Variants in TMEM131L observed in about 807,000 individuals in gnomAD.
TMEM131L encodes transmembrane protein 131-like.
In TMEM131L, 54 loss-of-function variants were observed where a neutral mutation model predicts 192.2. That is an observed-to-expected ratio of 0.28 (90% CI 0.23 to 0.35). The LOEUF is 0.35. Ranked by LOEUF, TMEM131L falls within the 10% of genes least tolerant of loss-of-function variation. The pLI is 1.00. For synonymous variants in TMEM131L, 701 were observed against 704.9 expected, an observed-to-expected ratio of 0.99 and a Z score of 0.09; for missense variants, 1,888 against 1,972.9, an observed-to-expected ratio of 0.96 and a Z score of 0.82.
At chr4:153,488,287 A>T (rs764770978) in intron 3 of TMEM131L, among the ~76,000 whole-genome samples, 1 of 152,214 alleles carries the variant, frequency 6.6e-6, no homozygotes, top group East Asian at 1.9e-4. Flanking sequence ...GGCAAAACTG[A>T]AAGAAGTGTT....
chr4:153,509,181 C>T (rs1389659883), intron 3 of TMEM131L, among the ~76,000 whole-genome samples: 2 of 146,560 alleles, frequency 1.4e-5, no homozygotes, highest in Non-Finnish European at 1.5e-5. Flanking sequence ...CCTGTCTCTA[C>T]TAAAAACAAC....
rs180945302 is a variant in TMEM131L, at chr4:153,587,925, T to C, written c.1552+114T>C. 3.8e-6 allele frequency: 3 copies of C among 791,636 alleles called. No homozygotes were observed. In the East Asian group the frequency reaches 7.4e-5, roughly 19 times the overall value. 49.0% of individuals were successfully genotyped at this position (791,636 alleles called of 1,614,324 possible). On this transcript the variant is annotated intron_variant, in intron 15 of 34. Transcript: ENST00000409959. Reference sequence around the variant, plus strand: ...TTAGTTCTGTAAAGGCATCATATTCTATAGAGAGGATGATCATTAACAGAA... The same window carrying C: ...TTAGTTCTGTAAAGGCATCATATTCCATAGAGAGGATGATCATTAACAGAA...
intron 3 of TMEM131L, among the ~76,000 whole-genome samples, chr4:153,535,868 G>A (rs1282465248): frequency 6.6e-6 from 1 of 152,018 alleles, no homozygotes; most frequent in Non-Finnish European, 1.5e-5. Context: ...TTGTAATCTT[G>A]TTGCACACAG....
Position 153,532,984 on chromosome 4 carries a change from C to CTTTT in TMEM131L, c.240-17074_240-17071dup, listed in dbSNP as rs70963190. 4.7e-3 allele frequency among the ~76,000 whole-genome samples: 613 copies of CTTTT among 129,664 alleles called. 10 individuals are homozygous for CTTTT. The highest frequency in any genetic ancestry group is 0.016 in the African/African-American group (569 of 34,808). 85.1% of individuals were successfully genotyped at this position (129,664 alleles called of 152,430 possible). On this transcript the variant is annotated intron_variant, in intron 3 of 34. Transcript: ENST00000409959. Reference sequence around the variant, plus strand: ...TAGGGATTCTCTCTCTTTCTCAATTCTTTTTTTTTTTTTTTTTTGAGACAG... The same window carrying CTTTT: ...TAGGGATTCTCTCTCTTTCTCAATTCTTTTTTTTTTTTTTTTTTTTTTGAGACAG...
In TMEM131L at chr4:153,636,385, A is replaced by C. The variant is rs775564419; in HGVS notation, c.4642A>C (p.Asn1548His). Residue 1548 changes from asparagine to histidine, a missense_variant, in exon 35 of 35, where the codon AAT (asparagine) becomes CAT (histidine). By Grantham distance (68) the Asn-to-His change is moderately conservative (BLOSUM62 1). Coordinates refer to ENST00000409959, the MANE Select transcript of TMEM131L (RefSeq NM_001131007.2). The stretch of plus-strand genomic sequence containing the variant: ...GGCCCCGCAAAGCGATGTGTATGAA[A>C]ATTGCTGCCCCATCAACCCCACCAC... ...IWAPQSDVYE[N>H]CCPINPTTEH... 1 of 1,614,136 alleles carries C rather than the reference A, an allele frequency of 6.2e-7. No homozygotes were observed. The highest frequency in any genetic ancestry group is 2.2e-5 in the East Asian group (1 of 44,880).
intron 7 of TMEM131L, among the ~76,000 whole-genome samples, chr4:153,565,241 G>A (rs1451193253): frequency 1.3e-5 from 2 of 152,176 alleles, no homozygotes; most frequent in African/African-American, 2.4e-5. Context: ...TTCGTGTTTA[G>A]TGCATTGAGG....
At chr4:153,565,482 G>A (rs1486826231) in intron 7 of TMEM131L, among the ~76,000 whole-genome samples, 1 of 152,210 alleles carries the variant, frequency 6.6e-6, no homozygotes, top group Non-Finnish European at 1.5e-5. Context: ...TGAGAGTAGA[G>A]CCAGTGAATG....
chr4:153,490,366 G>A lies in TMEM131L; in HGVS notation c.239+16478G>A, dbSNP rs1322153493. Among the ~76,000 whole-genome samples the A allele has an allele frequency of 8.5e-5, 13 of 152,312 alleles. No individual in the cohort carries two copies. The East Asian group carries it at 2.5e-3, about 29-fold the overall frequency. The stretch of plus-strand genomic sequence containing the variant: ...TACAGTGACTACTCTAGTCATTAGA[G>A]GGCTGGGGTAATTTGAGGTTGAAAT... On this transcript the variant is annotated intron_variant, in intron 3 of 34. Transcript: ENST00000409959.
intron 3 of TMEM131L, among the ~76,000 whole-genome samples, chr4:153,506,269 A>C (rs1221957855): frequency 1.3e-5 from 2 of 152,166 alleles, no homozygotes; most frequent in Admixed American, 1.3e-4. Flanking sequence ...GATTCCTTGC[A>C]AAAAAAGATC....
chr4:153,496,850 C>A (rs1483437924), intron 3 of TMEM131L, among the ~76,000 whole-genome samples: 2 of 150,786 alleles, frequency 1.3e-5, no homozygotes, highest in African/African-American at 4.9e-5. Flanking sequence ...CTGTACTTGG[C>A]CTATGAAGAC....
intron 12 of TMEM131L, 113 bp from the exon 13 acceptor site, chr4:153,585,345 C>A: frequency 9.3e-7 from 1 of 1,071,512 alleles, no homozygotes; most frequent in Non-Finnish European, 1.4e-6. Flanking sequence ...CTGGCGCTAG[C>A]TTTCATTTAG....
chr4:153,556,132 G>C (rs1372312939), intron 5 of TMEM131L, among the ~76,000 whole-genome samples: 1 of 127,406 alleles, frequency 7.8e-6, no homozygotes, highest in African/African-American at 3.0e-5. Flanking sequence ...GAGGTGGGGG[G>C]TTGGGGGAGA....
intron 2 of TMEM131L, among the ~76,000 whole-genome samples, chr4:153,467,661 T>TAA (rs974340483): frequency 6.6e-6 from 1 of 152,260 alleles, no homozygotes; most frequent in Non-Finnish European, 1.5e-5. Flanking sequence ...TCATAAATGT[T>TAA]AGAGTGGTAT....
chr4:153,547,750 G>A (rs1027372535), intron 3 of TMEM131L, among the ~76,000 whole-genome samples: 6 of 152,196 alleles, frequency 3.9e-5, no homozygotes, highest in Non-Finnish European at 8.8e-5. Context: ...TGGATAGGTC[G>A]TACAGTGCCT....
chr4:153,531,196 A>G (rs1021762057), intron 3 of TMEM131L, among the ~76,000 whole-genome samples: 5 of 152,084 alleles, frequency 3.3e-5, no homozygotes, highest in Non-Finnish European at 5.9e-5. Context: ...TGAGAGAGCT[A>G]TTCCTCAAAC....
At chr4:153,472,791 C>CTTTTTT (rs1360077761) in intron 2 of TMEM131L, among the ~76,000 whole-genome samples, 1 of 152,148 alleles carries the variant, frequency 6.6e-6, no homozygotes, top group Non-Finnish European at 1.5e-5. Flanking sequence ...CCCTGAGGCA[C>CTTTTTT]TTCCCAAGAG....
At chr4:153,530,654 G>A (rs776983661) in intron 3 of TMEM131L, among the ~76,000 whole-genome samples, 6 of 152,096 alleles carry the variant, frequency 3.9e-5, no homozygotes, top group Non-Finnish European at 8.8e-5. Flanking sequence ...ATGCAAGTTC[G>A]ACCTCTGGAG....
chr4:153,585,318 G>A (rs1188760261), intron 12 of TMEM131L, 140 bp from the exon 13 acceptor site: 4 of 831,802 alleles, frequency 4.8e-6, no homozygotes, highest in Non-Finnish European at 7.6e-6. Context: ...TGAAGGAGGC[G>A]ATTGCCGAGG....
At chr4:153,609,936 C>G (rs1561241018) in intron 25 of TMEM131L, among the ~76,000 whole-genome samples, 1 of 152,132 alleles carries the variant, frequency 6.6e-6, no homozygotes, top group Non-Finnish European at 1.5e-5. Context: ...TGGCTGTCTG[C>G]TTTACTGTTT....
Sources: allele counts gnomAD v4.1 joint callset (sites outside exome capture counted in the v4.1 genomes callset), GRCh38; gene constraint gnomAD v4.1.1; transcripts MANE v1.5; gene names NCBI Gene and HGNC (gene_info 2026-07-23, HGNC 2026-07-21).